TRIO: variants seen among roughly 807,000 people sequenced by gnomAD.
TRIO encodes the protein triple functional domain protein.
TRIO carries 58 observed loss-of-function variants against 351.9 expected under a neutral mutation model. That is an observed-to-expected ratio of 0.16 (90% confidence interval 0.13 to 0.21). TRIO has a LOEUF of 0.21. TRIO is among the 10% of genes least tolerant of loss of function. The probability of loss-of-function intolerance (pLI) is 1.00; values close to 1 mark genes in which losing one functional copy is unlikely to be tolerated. For synonymous variants in TRIO, 1,758 were observed against 1,595.7 expected (o/e 1.10, Z -2.42); for missense variants, 3,201 against 4,027.8 (o/e 0.79, Z 5.56).
chr5:14,191,462 C>T (rs1354625845), intron 1 of TRIO, among the ~76,000 whole-genome samples: 1 of 149,994 alleles, frequency 6.7e-6, no homozygotes, highest in Non-Finnish European at 1.5e-5. Context: ...GCCGTGGTGG[C>T]ACATGCCTTT....
chr5:14,238,150 C>A (rs952185570), intron 1 of TRIO, among the ~76,000 whole-genome samples: 1 of 152,046 alleles, frequency 6.6e-6, no homozygotes, highest in Non-Finnish European at 1.5e-5. Flanking sequence ...AAACAGTGTA[C>A]GTGTAGTTGA....
At chr5:14,255,258 G>A (rs370791286) in intron 1 of TRIO, among the ~76,000 whole-genome samples, 11 of 152,294 alleles carry the variant, frequency 7.2e-5, no homozygotes, top group African/African-American at 1.9e-4. Context: ...GTGCGTAAAC[G>A]GTAAGCCAGC....
chr5:14,406,331 A>G (rs1257379669), intron 32 of TRIO: 11 of 564,954 alleles, frequency 1.9e-5, no homozygotes, highest in Admixed American at 6.1e-5. Flanking sequence ...TAAAATGGCA[A>G]CGATCATATC....
At chr5:14,213,385 T>A (rs1404557847) in intron 1 of TRIO, among the ~76,000 whole-genome samples, 1 of 149,984 alleles carries the variant, frequency 6.7e-6, no homozygotes, top group Non-Finnish European at 1.5e-5. Context: ...ACTATATATA[T>A]ATATTAACTT....
intron 1 of TRIO, among the ~76,000 whole-genome samples, chr5:14,217,004 C>T (rs1381114822): frequency 1.3e-5 from 2 of 152,222 alleles, no homozygotes; most frequent in East Asian, 1.9e-4. Flanking sequence ...GTGCTGGGAA[C>T]AGCCCAGCTT....
chr5:14,433,616 A>G (rs1021978006), intron 34 of TRIO, among the ~76,000 whole-genome samples: 1 of 152,228 alleles, frequency 6.6e-6, no homozygotes, highest in African/African-American at 2.4e-5. Flanking sequence ...TCAGGGGCCC[A>G]GCATCCTCAG....
intron 1 of TRIO, among the ~76,000 whole-genome samples, chr5:14,202,509 G>T (rs578114034): frequency 6.6e-6 from 1 of 151,446 alleles, no homozygotes; most frequent in Admixed American, 6.6e-5. Flanking sequence ...CATTTGATAT[G>T]CTTTGACTGT....
chr5:14,426,863 GT>G (rs571786254), intron 34 of TRIO, among the ~76,000 whole-genome samples: 4 of 151,866 alleles, frequency 2.6e-5, no homozygotes, highest in South Asian at 2.1e-4. Context: ...CGAGTTCTGG[GT>G]TTTTTTTGTT....
At chr5:14,505,716 C>T (rs1010226423) in intron 55 of TRIO, among the ~76,000 whole-genome samples, 3 of 152,324 alleles carry the variant, frequency 2.0e-5, no homozygotes, top group African/African-American at 7.2e-5. Flanking sequence ...TACCAGCTTC[C>T]TCGGGCCGCC....
At chr5:14,211,354 A>G (rs957676796) in intron 1 of TRIO, among the ~76,000 whole-genome samples, 1 of 152,242 alleles carries the variant, frequency 6.6e-6, no homozygotes, top group Admixed American at 6.5e-5. Context: ...ACCTGTTTAT[A>G]AGCAAACCTG....
In TRIO at chr5:14,485,045, G is replaced by A. The variant is rs1486898738; in HGVS notation, c.6658-24G>A. The A allele has an allele frequency of 4.6e-5, 70 of 1,520,086 alleles. No individual in the cohort carries two copies. The East Asian group carries it at 1.6e-3, about 35-fold the overall frequency. 94.2% of individuals were successfully genotyped at this position (1,520,086 alleles called of 1,614,324 possible). On this transcript the variant is annotated intron_variant, in intron 46 of 56. Coordinates refer to ENST00000344204, the MANE Select transcript of TRIO (RefSeq NM_007118.4). Reference sequence around the variant, plus strand: ...TTCCTTTCCACCTGTTAGCTATTATGAATAATGTTTTTTTTTTTTTAAGGT... The same window carrying A: ...TTCCTTTCCACCTGTTAGCTATTATAAATAATGTTTTTTTTTTTTTAAGGT...
chr5:14,341,117 C>T (rs1741903282), intron 11 of TRIO, among the ~76,000 whole-genome samples: 3 of 152,214 alleles, frequency 2.0e-5, no homozygotes, highest in Admixed American at 1.3e-4. Flanking sequence ...TCCTCCTACA[C>T]GTTGTCATCC....
intron 28 of TRIO, among the ~76,000 whole-genome samples, chr5:14,396,584 C>A (rs1211284272): frequency 1.3e-5 from 2 of 149,118 alleles, no homozygotes; most frequent in Non-Finnish European, 3.0e-5. Flanking sequence ...ATTCTCCTCC[C>A]TCAGTCTCCC....
intron 56 of TRIO, 29 bp downstream of exon 56, chr5:14,507,289 G>T: frequency 6.2e-7 from 1 of 1,609,250 alleles, no homozygotes; most frequent in Non-Finnish European, 8.5e-7. Flanking sequence ...AGGTGAAGGG[G>T]GGTCTGAGCA....
At chr5:14,388,159 T>G (rs1746710983) in intron 23 of TRIO, among the ~76,000 whole-genome samples, 1 of 152,234 alleles carries the variant, frequency 6.6e-6, no homozygotes, top group Admixed American at 6.5e-5. Context: ...AATTTAGTTG[T>G]GTAAAAGTTG....
chr5:14,277,924 C>G (rs1398707116), intron 2 of TRIO, among the ~76,000 whole-genome samples: 2 of 152,196 alleles, frequency 1.3e-5, no homozygotes, highest in African/African-American at 4.8e-5. Flanking sequence ...GCACCCTTAG[C>G]AGGGAGATTA....
chr5:14,207,877 ACACT>A, intron 1 of TRIO, among the ~76,000 whole-genome samples: 1 of 152,252 alleles, frequency 6.6e-6, no homozygotes, highest in Non-Finnish European at 1.5e-5. Flanking sequence ...ATTTAAATAG[ACACT>A]CAACAAAGAA....
At chr5:14,450,454 T>G (rs377678792) in intron 34 of TRIO, among the ~76,000 whole-genome samples, 1 of 152,118 alleles carries the variant, frequency 6.6e-6, no homozygotes, top group African/African-American at 2.4e-5. Context: ...TTGGCCCTTC[T>G]CAGGCGGCAA....
chr5:14,362,821 A>G (rs57017859), intron 13 of TRIO, among the ~76,000 whole-genome samples: 13,938 of 152,066 alleles, frequency 0.092, 959 homozygotes, highest in African/African-American at 0.19. Context: ...TTTTCTCACG[A>G]CAGTTTACTA....
Sources: gnomAD v4.1 joint callset for allele counts (sites outside exome capture counted in the v4.1 genomes callset) on GRCh38, gnomAD v4.1.1 for gene constraint, MANE v1.5 for transcripts, NCBI Gene and HGNC (gene_info 2026-07-23, HGNC 2026-07-21) for gene names.